The following TASP1 variants were observed in gnomAD, a reference collection of about 807,000 sequenced individuals.
The protein encoded by TASP1 is taspase 1, also known as threonine aspartase 1.
TASP1 carries 16 observed loss-of-function variants against 56.6 expected under a neutral mutation model. The observed-to-expected ratio is 0.28, with a 90% CI of 0.19 to 0.43. TASP1 has a LOEUF of 0.43. Ranked by LOEUF, TASP1 falls within the 20% of genes least tolerant of loss-of-function variation. TASP1 has a pLI of 1.00. For synonymous variants in TASP1, 179 were observed against 184.2 expected, an observed-to-expected ratio of 0.97 and a Z score of 0.23; for missense variants, 393 against 511.6, an observed-to-expected ratio of 0.77 and a Z score of 2.24.
chr20:13,453,857 C>G (rs937779394), intron 11 of TASP1, among the ~76,000 whole-genome samples: 7 of 151,914 alleles, frequency 4.6e-5, no homozygotes, highest in African/African-American at 1.7e-4. Flanking sequence ...AAACAAGGGG[C>G]TGAGAGGGAG....
the TASP1 span, among the ~76,000 whole-genome samples, chr20:13,341,784 C>G: frequency 2.2e-4 from 33 of 152,294 alleles, no homozygotes; most frequent in African/African-American, 7.5e-4. Context: ...TGGCCAGGCT[C>G]TCTCATGCAT....
chr20:13,340,987 C>T, the TASP1 span, among the ~76,000 whole-genome samples: 2 of 152,288 alleles, frequency 1.3e-5, no homozygotes, highest in East Asian at 3.9e-4. Flanking sequence ...AAATACTTTC[C>T]TCTTTCAGTA....
intron 12 of TASP1, among the ~76,000 whole-genome samples, chr20:13,418,665 A>G (rs2042340038): frequency 6.6e-6 from 1 of 152,254 alleles, no homozygotes. Flanking sequence ...AAAAATTCTT[A>G]TAACAGGAAA....
At chr20:13,625,376 T>C in intron 2 of TASP1, 124 bp from the exon 3 acceptor site, 4 of 624,160 alleles carry the variant, frequency 6.4e-6, no homozygotes, top group South Asian at 5.3e-5. Context: ...CCTAACTGTA[T>C]GGCGTTTTAT....
At chr20:13,115,430 T>A in the TASP1 span, among the ~76,000 whole-genome samples, 13 of 152,298 alleles carry the variant, frequency 8.5e-5, no homozygotes, top group East Asian at 1.7e-3. Flanking sequence ...CATGGAAGGA[T>A]GGTTAATTAG....
the TASP1 span, among the ~76,000 whole-genome samples, chr20:13,379,292 T>A: frequency 1.3e-5 from 2 of 152,222 alleles, no homozygotes; most frequent in African/African-American, 4.8e-5. Context: ...TCTCTCAGCA[T>A]TTGCTTGTCT....
chr20:13,313,842 A>C, the TASP1 span, among the ~76,000 whole-genome samples: 2 of 152,214 alleles, frequency 1.3e-5, no homozygotes, highest in Non-Finnish European at 1.5e-5. Context: ...AGGAATTTAA[A>C]ACAACAAGGA....
intron 11 of TASP1, among the ~76,000 whole-genome samples, chr20:13,453,399 G>T (rs2146304352): frequency 6.6e-6 from 1 of 152,214 alleles, no homozygotes; most frequent in South Asian, 2.1e-4. Context: ...TGACACAATG[G>T]TCACATTAAT....
At chr20:13,221,926 G>C in the TASP1 span, 1 of 1,324,848 alleles carries the variant, frequency 7.5e-7, no homozygotes, top group Non-Finnish European at 9.6e-7. Flanking sequence ...TGAGTGCGCC[G>C]CCGGAGAGGG....
intron 10 of TASP1, among the ~76,000 whole-genome samples, chr20:13,527,511 C>G (rs6042201): frequency 1.3e-5 from 2 of 152,080 alleles, no homozygotes; most frequent in Admixed American, 6.6e-5. Context: ...AAAGGCTTCA[C>G]GTACATCTGG....
chr20:13,134,294 T>C, the TASP1 span, among the ~76,000 whole-genome samples: 5 of 152,242 alleles, frequency 3.3e-5, no homozygotes, highest in African/African-American at 1.2e-4. Flanking sequence ...TCCGAATACT[T>C]AACATCAGCA....
At chr20:13,470,496 A>T (rs1439541500) in intron 11 of TASP1, among the ~76,000 whole-genome samples, 1 of 152,210 alleles carries the variant, frequency 6.6e-6, no homozygotes, top group Non-Finnish European at 1.5e-5. Flanking sequence ...TATACATTTT[A>T]TAAAACTTCT....
chr20:13,266,084 A>ACCTT, the TASP1 span, among the ~76,000 whole-genome samples: 17 of 152,072 alleles, frequency 1.1e-4, no homozygotes, highest in Non-Finnish European at 2.1e-4. Context: ...TCTGTCCAGA[A>ACCTT]CCTTCCACTT....
chr20:13,191,756 A>G, the TASP1 span, among the ~76,000 whole-genome samples: 1 of 152,240 alleles, frequency 6.6e-6, no homozygotes, highest in Non-Finnish European at 1.5e-5. Context: ...TGTTCCAAAT[A>G]CAAAGAAATG....
At chr20:13,611,251 T>C (rs972286117) in intron 4 of TASP1, among the ~76,000 whole-genome samples, 2 of 152,220 alleles carry the variant, frequency 1.3e-5, no homozygotes, top group African/African-American at 4.8e-5. Context: ...ATCAGTGCAG[T>C]ATGCTTGGAC....
intron 8 of TASP1, among the ~76,000 whole-genome samples, chr20:13,543,806 C>T (rs2045709215): frequency 6.6e-6 from 1 of 152,172 alleles, no homozygotes; most frequent in African/African-American, 2.4e-5. Flanking sequence ...TCATCAATAA[C>T]TCAAACTTTG....
At chr20:13,525,749 A>G (rs1171366604) in intron 10 of TASP1, among the ~76,000 whole-genome samples, 1 of 152,138 alleles carries the variant, frequency 6.6e-6, no homozygotes, top group Non-Finnish European at 1.5e-5. Flanking sequence ...TTCCATTGTC[A>G]ACTTCATAGC....
intron 11 of TASP1, among the ~76,000 whole-genome samples, chr20:13,453,963 A>G (rs1201555526): frequency 3.3e-5 from 5 of 152,032 alleles, no homozygotes; most frequent in African/African-American, 1.2e-4. Flanking sequence ...GAAGATTGGA[A>G]AAGATGAGGA....
At chr20:13,360,458 A>G in the TASP1 span, among the ~76,000 whole-genome samples, 5 of 151,974 alleles carry the variant, frequency 3.3e-5, no homozygotes, top group African/African-American at 7.2e-5. Context: ...AGCACCTTCT[A>G]CAAAACAACA....
Sources: gnomAD v4.1 joint callset for allele counts (sites outside exome capture counted in the v4.1 genomes callset) on GRCh38, gnomAD v4.1.1 for gene constraint, MANE v1.5 for transcripts, NCBI Gene and HGNC (gene_info 2026-07-23, HGNC 2026-07-21) for gene names.